NCKAP5: variants seen among roughly 807,000 people sequenced by gnomAD.
NCKAP5 encodes the protein nck-associated protein 5.
NCKAP5 carries 92 observed loss-of-function variants against 167.0 expected under a neutral mutation model. The observed-to-expected ratio is 0.55, with a 90% CI of 0.47 to 0.66. The LOEUF is 0.66. Among genes scored for constraint, NCKAP5 ranks in the 30% least tolerant of loss-of-function variants. The pLI, the probability that NCKAP5 is intolerant of heterozygous loss-of-function variation, is 0.00. For synonymous variants in NCKAP5, 891 were observed against 877.4 expected (o/e 1.02, Z -0.27); for missense variants, 2,378 against 2,315.0 (o/e 1.03, Z -0.56).
At chr2:133,444,711 T>C (rs988353655) in intron 3 of NCKAP5, among the ~76,000 whole-genome samples, 2 of 152,188 alleles carry the variant, frequency 1.3e-5, no homozygotes, top group African/African-American at 4.8e-5. Context: ...GATCTTTGCT[T>C]TTCTACTTTA....
At chr2:133,489,960 G>A (rs1681293709) in intron 3 of NCKAP5, among the ~76,000 whole-genome samples, 1 of 152,192 alleles carries the variant, frequency 6.6e-6, no homozygotes, top group Admixed American at 6.5e-5. Flanking sequence ...CTCTAAAGGG[G>A]AGATTTCCAG....
chr2:132,789,200 G>C (rs1574223259), intron 13 of NCKAP5, among the ~76,000 whole-genome samples: 1 of 152,206 alleles, frequency 6.6e-6, no homozygotes, highest in Non-Finnish European at 1.5e-5. Context: ...GAAAAGAGCA[G>C]AGCGAGGGGC....
At chr2:132,974,055 G>A (rs1204890982) in intron 7 of NCKAP5, among the ~76,000 whole-genome samples, 1 of 152,118 alleles carries the variant, frequency 6.6e-6, no homozygotes, top group Non-Finnish European at 1.5e-5. Flanking sequence ...GGTAATAACA[G>A]CTACCCTCTG....
In NCKAP5 at chr2:133,563,564, TAAAAAAAAAAAAAAAAA is replaced by T. The variant is rs57901498; in HGVS notation, c.-129-4464_-129-4448del. Among the ~76,000 whole-genome samples, 186 of 53,026 alleles carry T rather than the reference TAAAAAAAAAAAAAAAAA, an allele frequency of 3.5e-3. 2 individuals carry two copies. The highest frequency in any genetic ancestry group is 0.013 in the African/African-American group (179 of 14,310). The allele number at this position is 53,026 out of a possible 152,430, so 34.8% of individuals were successfully genotyped here. A position where few individuals can be genotyped will look rare whatever the true frequency, so the allele number is the denominator to read the frequency against. On this transcript the variant is annotated intron_variant, in intron 1 of 19. Transcript: ENST00000409261. Reference sequence around the variant, plus strand: ...AGCCTGGTGACAGAGAAAGACTCCATAAAAAAAAAAAAAAAAAAAAAAAAAAAAAAGATTCAGATCTC... The same window carrying T: ...AGCCTGGTGACAGAGAAAGACTCCATAAAAAAAAAAAAAGATTCAGATCTC...
intron 19 of NCKAP5, among the ~76,000 whole-genome samples, chr2:132,680,778 A>C (rs928569544): frequency 5.3e-5 from 8 of 152,304 alleles, no homozygotes; most frequent in African/African-American, 1.4e-4. Context: ...CTTATGGCAC[A>C]GAAAGGCATC....
intron 8 of NCKAP5, among the ~76,000 whole-genome samples, chr2:132,920,771 GTATATATATATA>G (rs55895538): frequency 0.14 from 4,296 of 31,550 alleles, 382 homozygotes; most frequent in Non-Finnish European, 0.21. Flanking sequence ...ATATATGTAT[GTATATATATATA>G]TATATATATA....
At chr2:133,009,506 G>A (rs1384281955) in intron 6 of NCKAP5, among the ~76,000 whole-genome samples, 1 of 151,924 alleles carries the variant, frequency 6.6e-6, no homozygotes, top group African/African-American at 2.4e-5. Context: ...TCCAATGCTG[G>A]AAAGCTTAAA....
At chr2:133,077,129 A>G (rs1417396401) in intron 6 of NCKAP5, among the ~76,000 whole-genome samples, 4 of 152,344 alleles carry the variant, frequency 2.6e-5, no homozygotes, top group African/African-American at 9.6e-5. Context: ...AATAGACAGC[A>G]ATGAATTTCA....
intron 19 of NCKAP5, among the ~76,000 whole-genome samples, chr2:132,722,436 A>T (rs1186823189): frequency 6.6e-6 from 1 of 152,148 alleles, no homozygotes; most frequent in Non-Finnish European, 1.5e-5. Context: ...GGCTTCTAAG[A>T]CGCCATGCTC....
the NCKAP5 span, among the ~76,000 whole-genome samples, chr2:133,673,898 G>T: frequency 2.6e-5 from 4 of 152,172 alleles, no homozygotes; most frequent in African/African-American, 9.7e-5. Flanking sequence ...GCTAAGATAG[G>T]GAACAATCAG....
At chr2:132,787,869 C>A (rs1269048846) in intron 13 of NCKAP5, among the ~76,000 whole-genome samples, 3 of 152,086 alleles carry the variant, frequency 2.0e-5, no homozygotes, top group African/African-American at 7.2e-5. Flanking sequence ...GCCAAAGTAC[C>A]CCACAAGAGC....
intron 7 of NCKAP5, among the ~76,000 whole-genome samples, chr2:132,984,500 C>G (rs1371734238): frequency 6.6e-6 from 1 of 152,148 alleles, no homozygotes; most frequent in Admixed American, 6.5e-5. Context: ...TAAATGCCAA[C>G]AGCAGACCCC....
At chr2:132,747,590 C>T (rs1215281750) in intron 16 of NCKAP5, among the ~76,000 whole-genome samples, 8 of 111,176 alleles carry the variant, frequency 7.2e-5, no homozygotes, top group Non-Finnish European at 1.9e-5. Flanking sequence ...TAGCTGTGTG[C>T]CCCAGACACT....
intron 3 of NCKAP5, among the ~76,000 whole-genome samples, chr2:133,417,482 G>A (rs368652318): frequency 3.9e-5 from 6 of 152,350 alleles, no homozygotes; most frequent in East Asian, 1.9e-4. Context: ...GCAAGTGACC[G>A]TGAACTGCCA....
chr2:132,694,446 TC>T (rs1573899570), intron 19 of NCKAP5, among the ~76,000 whole-genome samples: 1 of 149,278 alleles, frequency 6.7e-6, no homozygotes, highest in African/African-American at 2.4e-5. Flanking sequence ...ATTGGCATTT[TC>T]TTGCAAAGGT....
chr2:133,489,449 G>C (rs1423281514), intron 3 of NCKAP5, among the ~76,000 whole-genome samples: 2 of 152,158 alleles, frequency 1.3e-5, no homozygotes, highest in African/African-American at 2.4e-5. Context: ...CATTCAGAAG[G>C]ATTCATGTGA....
At chr2:133,634,052 T>C in the NCKAP5 span, among the ~76,000 whole-genome samples, 1 of 152,230 alleles carries the variant, frequency 6.6e-6, no homozygotes, top group Non-Finnish European at 1.5e-5. Flanking sequence ...AGTCTTGCCT[T>C]AATCACTGTG....
the NCKAP5 span, among the ~76,000 whole-genome samples, chr2:133,645,861 C>T: frequency 6.6e-6 from 1 of 151,390 alleles, no homozygotes; most frequent in African/African-American, 2.4e-5. Context: ...GATAAATTTA[C>T]AGAATCATAA....
At chr2:133,488,015 G>A (rs1001837434) in intron 3 of NCKAP5, among the ~76,000 whole-genome samples, 1 of 152,164 alleles carries the variant, frequency 6.6e-6, no homozygotes. Flanking sequence ...TCACTTTATT[G>A]AGGGTTTGAT....
Sources: gnomAD v4.1 joint callset for allele counts (sites outside exome capture counted in the v4.1 genomes callset) on GRCh38, gnomAD v4.1.1 for gene constraint, MANE v1.5 for transcripts, NCBI Gene and HGNC (gene_info 2026-07-23, HGNC 2026-07-21) for gene names.